Variants in SH3RF3 observed in about 807,000 individuals in gnomAD.
SH3RF3 encodes the protein E3 ubiquitin-protein ligase SH3RF3.
A neutral mutation model predicts 66.3 loss-of-function variants in SH3RF3; 29 were observed. The observed-to-expected ratio is 0.44, with a 90% CI of 0.33 to 0.60. The LOEUF (loss-of-function observed/expected upper bound fraction) is 0.60. SH3RF3 is among the 20% of genes least tolerant of loss of function. SH3RF3 has a pLI of 0.04. For missense variants in SH3RF3, 1,194 were observed against 1,190.9 expected (o/e 1.00, Z -0.04); for synonymous variants, 583 against 532.0 (o/e 1.10, Z -1.32).
At chr2:109,370,730 C>T (rs1015949269) in intron 2 of SH3RF3, among the ~76,000 whole-genome samples, 1 of 152,158 alleles carries the variant, frequency 6.6e-6, no homozygotes, top group African/African-American at 2.4e-5. Context: ...GCTCATCTCC[C>T]AGTCTCAACC....
intron 5 of SH3RF3, among the ~76,000 whole-genome samples, chr2:109,427,941 GCAC>G (rs1170119559): frequency 6.6e-6 from 1 of 152,256 alleles, no homozygotes; most frequent in African/African-American, 2.4e-5. Context: ...CTGAGCATCT[GCAC>G]TCATCCTCGC....
intron 1 of SH3RF3, among the ~76,000 whole-genome samples, chr2:109,328,476 A>G (rs1281020983): frequency 1.3e-5 from 2 of 152,158 alleles, no homozygotes; most frequent in Non-Finnish European, 2.9e-5. Flanking sequence ...ACTGGTAGTT[A>G]CATCTGAGGA....
chr2:109,501,466 G>A (rs1390715703), intron 9 of SH3RF3, 37 bp from the exon 10 acceptor site: 1 of 759,066 alleles, frequency 1.3e-6, no homozygotes, highest in Admixed American at 1.8e-5. Flanking sequence ...GATGGAGATT[G>A]TCTGTGTGGG....
At position 109,189,416 on chromosome 2, in the gene SH3RF3, T is replaced by TG. The variant is rs1678285486; in HGVS notation, c.573+59305dup. Among the ~76,000 whole-genome samples, 5 of 151,564 alleles carry TG rather than the reference T, an allele frequency of 3.3e-5. No individual in the cohort carries two copies. The South Asian group carries it at 1.0e-3, about 32-fold the overall frequency. On this transcript the variant is annotated intron_variant, in intron 1 of 9. Transcript: ENST00000309415. ...GAGACGGAGTCTCTGTCGCCCAGGC[T>TG]GGAGTGCAATAGCGCTATCTCGGCT...
chr2:109,292,380 G>A (rs1024149130), intron 1 of SH3RF3, among the ~76,000 whole-genome samples: 7 of 152,068 alleles, frequency 4.6e-5, no homozygotes, highest in African/African-American at 1.4e-4. Flanking sequence ...ATGAAGTTTT[G>A]TATCCTGGTC....
intron 1 of SH3RF3, among the ~76,000 whole-genome samples, chr2:109,162,363 A>G (rs553682836): frequency 8.8e-4 from 134 of 152,136 alleles, no homozygotes; most frequent in Non-Finnish European, 1.7e-3. Context: ...GGCCTCTCTC[A>G]TTTTTCCCCT....
chr2:109,225,542 A>C (rs1679355043), intron 1 of SH3RF3, among the ~76,000 whole-genome samples: 2 of 152,312 alleles, frequency 1.3e-5, no homozygotes, highest in Admixed American at 6.5e-5. Flanking sequence ...TTTTCTCCTG[A>C]GAGTTAGGCC....
chr2:109,468,789 G>A (rs529195240), intron 8 of SH3RF3, among the ~76,000 whole-genome samples: 1 of 147,024 alleles, frequency 6.8e-6, no homozygotes, highest in African/African-American at 2.5e-5. Context: ...GGGAGGTGGA[G>A]TTTGCAGTGA....
Position 109,130,070 on chromosome 2 carries a change from G to T in SH3RF3, c.530G>T (p.Ser177Ile). 1 of 1,368,026 alleles carries T rather than the reference G, an allele frequency of 7.3e-7. No individual in the cohort carries two copies. The highest frequency in any genetic ancestry group is 1.7e-5 in the South Asian group (1 of 59,082). 84.7% of individuals were successfully genotyped at this position (1,368,026 alleles called of 1,614,324 possible). The change falls in exon 1 of 10, where the codon AGT (serine) becomes ATT (isoleucine). Residue 177 changes from serine (S) to isoleucine (I), a missense_variant. Transcript: ENST00000309415. ...GCGGCCGCGGGCAGCACCGCCGGCA[G>T]TCTGCGGGAGCTGGCGACCAGCAGG... Reference protein sequence around the residue: ...LSAAAGSTAGSLRELATSRTA... With the variant: ...LSAAAGSTAGILRELATSRTA...
intron 4 of SH3RF3, among the ~76,000 whole-genome samples, chr2:109,399,668 A>T (rs1046360505): frequency 9.2e-5 from 14 of 152,366 alleles, no homozygotes; most frequent in Admixed American, 6.5e-4. Flanking sequence ...TAAATAATGA[A>T]CAATATTTAG....
At chr2:109,433,694 C>T (rs935113233) in intron 6 of SH3RF3, among the ~76,000 whole-genome samples, 5 of 152,172 alleles carry the variant, frequency 3.3e-5, no homozygotes, top group African/African-American at 7.2e-5. Context: ...AGCTCTAGTT[C>T]GCAAGGCAAT....
intron 8 of SH3RF3, among the ~76,000 whole-genome samples, chr2:109,470,340 T>G (rs1678470251): frequency 6.6e-6 from 1 of 152,182 alleles, no homozygotes; most frequent in Non-Finnish European, 1.5e-5. Context: ...TCCTGCTCCA[T>G]CTGGAAAAGA....
At chr2:109,376,384 T>C (rs960176090) in intron 3 of SH3RF3, among the ~76,000 whole-genome samples, 3 of 152,142 alleles carry the variant, frequency 2.0e-5, no homozygotes, top group African/African-American at 7.2e-5. Flanking sequence ...TTGGAGAGAC[T>C]TGGGGGCGGG....
At chr2:109,206,792 G>A (rs1056865440) in intron 1 of SH3RF3, among the ~76,000 whole-genome samples, 1 of 152,182 alleles carries the variant, frequency 6.6e-6, no homozygotes, top group Non-Finnish European at 1.5e-5. Flanking sequence ...CTCCAGCCTG[G>A]GTGACAAGAG....
In SH3RF3 at chr2:109,150,068, C is replaced by A. The variant is rs540529600; in HGVS notation, c.573+19955C>A. Among the ~76,000 whole-genome samples the A allele has an allele frequency of 2.7e-3, 409 of 152,270 alleles. 3 individuals carry two copies. The highest frequency in any genetic ancestry group is 2.6e-3 in the Non-Finnish European group (179 of 68,034). On this transcript the variant is annotated intron_variant, in intron 1 of 9. Transcript: ENST00000309415. ...GCCTGGCATCAGATTCAACGGTCCC[C>A]AGGTGATGCCAGTGCTGGGGTGAGC...
chr2:109,175,956 T>G (rs2104964642), intron 1 of SH3RF3, among the ~76,000 whole-genome samples: 1 of 152,344 alleles, frequency 6.6e-6, no homozygotes, highest in South Asian at 2.1e-4. Flanking sequence ...TCTGGATCAC[T>G]TGTGCTGAAG....
intron 4 of SH3RF3, among the ~76,000 whole-genome samples, chr2:109,415,126 T>G (rs1189056591): frequency 3.0e-5 from 4 of 131,380 alleles, no homozygotes; most frequent in Non-Finnish European, 6.3e-5. Context: ...GTGGGCAGCC[T>G]CTAGAAGCTG....
At chr2:109,290,090 A>G (rs1321705806) in intron 1 of SH3RF3, among the ~76,000 whole-genome samples, 4 of 152,218 alleles carry the variant, frequency 2.6e-5, no homozygotes, top group Non-Finnish European at 4.4e-5. Context: ...TGTGATGCCA[A>G]TGCTGCTGGT....
chr2:109,281,961 G>A (rs945359633), intron 1 of SH3RF3, among the ~76,000 whole-genome samples: 2 of 152,108 alleles, frequency 1.3e-5, no homozygotes, highest in Non-Finnish European at 2.9e-5. Context: ...TAGAGCAGAA[G>A]CCCAATGGCC....
Sources: allele counts gnomAD v4.1 joint callset (sites outside exome capture counted in the v4.1 genomes callset), GRCh38; gene constraint gnomAD v4.1.1; transcripts MANE v1.5; gene names NCBI Gene and HGNC (gene_info 2026-07-23, HGNC 2026-07-21).